RAPGEF6: variants seen among roughly 807,000 people sequenced by gnomAD.
RAPGEF6 encodes the protein Rap guanine nucleotide exchange factor 6.
Under a neutral mutation model 171.4 loss-of-function variants are expected in RAPGEF6, and 56 were observed. The observed-to-expected ratio is 0.33, with a 90% CI of 0.26 to 0.41. The LOEUF (loss-of-function observed/expected upper bound fraction) is 0.41, where lower values mean the gene tolerates loss of function less well. Ranked by LOEUF, RAPGEF6 falls within the 10% of genes least tolerant of loss-of-function variation. The probability of loss-of-function intolerance (pLI) is 1.00; values close to 1 mark genes in which losing one functional copy is unlikely to be tolerated. For synonymous variants in RAPGEF6, 692 were observed against 650.1 expected, an observed-to-expected ratio of 1.06 and a Z score of -0.98; for missense variants, 1,674 against 1,921.4, an observed-to-expected ratio of 0.87 and a Z score of 2.41.
intron 4 of RAPGEF6, among the ~76,000 whole-genome samples, chr5:131,568,860 C>T (rs537819155): frequency 6.6e-6 from 1 of 152,042 alleles, no homozygotes. Context: ...ATATAAACTA[C>T]TAGATCTAAT....
intron 13 of RAPGEF6, among the ~76,000 whole-genome samples, chr5:131,493,005 T>C (rs1756386274): frequency 6.6e-6 from 1 of 152,202 alleles, no homozygotes; most frequent in Non-Finnish European, 1.5e-5. Flanking sequence ...TTCCAAGTGA[T>C]GTCTCATTTA....
At chr5:131,460,738 A>G (rs1297573987) in intron 19 of RAPGEF6, among the ~76,000 whole-genome samples, 2 of 152,208 alleles carry the variant, frequency 1.3e-5, no homozygotes, top group Non-Finnish European at 2.9e-5. Context: ...CAATACTCCT[A>G]GAGTGTTCAG....
At chr5:131,486,400 T>C (rs1755890462) in intron 15 of RAPGEF6, among the ~76,000 whole-genome samples, 2 of 152,222 alleles carry the variant, frequency 1.3e-5, no homozygotes, top group Admixed American at 6.5e-5. Context: ...CAGTCAATAC[T>C]GGAAGTAGAA....
chr5:131,547,797 C>T (rs906116508), intron 6 of RAPGEF6, among the ~76,000 whole-genome samples: 15 of 152,198 alleles, frequency 9.9e-5, no homozygotes, highest in Admixed American at 8.5e-4. Context: ...GCATGACCCA[C>T]TGCACCCAGC....
chr5:131,617,994 G>A (rs1280799308), intron 1 of RAPGEF6, among the ~76,000 whole-genome samples: 1 of 152,154 alleles, frequency 6.6e-6, no homozygotes, highest in Non-Finnish European at 1.5e-5. Flanking sequence ...CCAGACTTTG[G>A]TTTCTAAATT....
intron 4 of RAPGEF6, among the ~76,000 whole-genome samples, chr5:131,588,041 G>T (rs1763364227): frequency 6.6e-6 from 1 of 151,434 alleles, no homozygotes; most frequent in Non-Finnish European, 1.5e-5. Context: ...GGAATAAAAT[G>T]GGAGGCAGTT....
rs761512103 is a variant in RAPGEF6, at chr5:131,461,842, T to C, written c.2727A>G (p.Gln909=). 2 of 1,614,078 alleles carry C rather than the reference T, an allele frequency of 1.2e-6. No homozygotes were observed. The highest frequency in any genetic ancestry group is 1.1e-5 in the South Asian group (1 of 91,082). ...TTTCTGAGGCAACCCAGAATGTCTC[T>C]TGGTTTACAATGTCCTCAAACCTCT... ...HLKRFEDIVN[Q]ETFWVASEIL... is the part of the protein sequence containing the mutation. Residue 909 remains glutamine (Q), a synonymous_variant, in exon 19 of 28, where the codon CAA becomes CAG. Coordinates refer to ENST00000509018, the MANE Select transcript of RAPGEF6 (RefSeq NM_016340.6).
intron 9 of RAPGEF6, among the ~76,000 whole-genome samples, chr5:131,506,929 C>T (rs1198481842): frequency 2.0e-5 from 3 of 151,456 alleles, no homozygotes; most frequent in Non-Finnish European, 4.4e-5. Context: ...TTCATTTGTT[C>T]ATCAAACTTT....
intron 10 of RAPGEF6, among the ~76,000 whole-genome samples, 197 bp downstream of exon 10, chr5:131,505,167 A>C (rs1757291193): frequency 6.6e-6 from 1 of 152,130 alleles, no homozygotes; most frequent in Admixed American, 6.6e-5. Flanking sequence ...TATTTGGTAT[A>C]ATCTCTTTTG....
At chr5:131,578,215 T>C (rs934108814) in intron 4 of RAPGEF6, among the ~76,000 whole-genome samples, 1 of 152,106 alleles carries the variant, frequency 6.6e-6, no homozygotes, top group Non-Finnish European at 1.5e-5. Flanking sequence ...CTCACTCTTA[T>C]CCCTGCCCCT....
intron 6 of RAPGEF6, among the ~76,000 whole-genome samples, chr5:131,521,919 ACTCT>A (rs1018774685): frequency 6.9e-5 from 10 of 145,442 alleles, no homozygotes; most frequent in Non-Finnish European, 1.4e-4. Context: ...ACACACACTC[ACTCT>A]CCCTCCCTCC....
chr5:131,598,775 T>A (rs764081541), intron 3 of RAPGEF6, among the ~76,000 whole-genome samples: 24 of 152,318 alleles, frequency 1.6e-4, no homozygotes, highest in Non-Finnish European at 7.4e-5. Context: ...ATTGACAGAT[T>A]CATTGTAACA....
intron 22 of RAPGEF6, among the ~76,000 whole-genome samples, chr5:131,444,868 T>C (rs986147543): frequency 6.6e-6 from 1 of 152,226 alleles, no homozygotes; most frequent in African/African-American, 2.4e-5. Flanking sequence ...AATAAATATG[T>C]ACATGGCTTT....
intron 16 of RAPGEF6, among the ~76,000 whole-genome samples, chr5:131,478,655 T>C (rs188498673): frequency 2.5e-4 from 38 of 152,304 alleles, no homozygotes; most frequent in African/African-American, 8.9e-4. Flanking sequence ...CCTTGATCTA[T>C]TTATCTTCCT....
intron 5 of RAPGEF6, among the ~76,000 whole-genome samples, chr5:131,553,339 G>A (rs1390750206): frequency 2.0e-5 from 3 of 152,116 alleles, no homozygotes; most frequent in African/African-American, 7.2e-5. Context: ...TCATCTCTAG[G>A]CTTAAAAGCT....
At chr5:131,550,744 A>C (rs1760872307) in intron 5 of RAPGEF6, among the ~76,000 whole-genome samples, 1 of 152,196 alleles carries the variant, frequency 6.6e-6, no homozygotes, top group Admixed American at 6.5e-5. Flanking sequence ...ATACACACCT[A>C]GACTTCTCAA....
At chr5:131,445,081 GT>G (rs1752600273) in intron 22 of RAPGEF6, among the ~76,000 whole-genome samples, 1 of 152,140 alleles carries the variant, frequency 6.6e-6, no homozygotes, top group Non-Finnish European at 1.5e-5. Flanking sequence ...CCTTGCCCAA[GT>G]TTTACATTTG....
At chr5:131,559,081 C>A (rs969029056) in intron 5 of RAPGEF6, among the ~76,000 whole-genome samples, 1 of 151,972 alleles carries the variant, frequency 6.6e-6, no homozygotes, top group Non-Finnish European at 1.5e-5. Flanking sequence ...TTAATCCCAG[C>A]GCTTTGGGAG....
At chr5:131,509,359 C>T (rs759197679) in intron 8 of RAPGEF6, among the ~76,000 whole-genome samples, 10 of 152,058 alleles carry the variant, frequency 6.6e-5, no homozygotes, top group Non-Finnish European at 4.4e-5. Context: ...CTGGCTAACA[C>T]GTTGAAACCC....
Sources: allele counts gnomAD v4.1 joint callset (sites outside exome capture counted in the v4.1 genomes callset), GRCh38; gene constraint gnomAD v4.1.1; transcripts MANE v1.5; gene names NCBI Gene and HGNC (gene_info 2026-07-23, HGNC 2026-07-21).